The following MSH3 variants were observed in gnomAD, a reference collection of about 807,000 sequenced individuals.
MSH3 encodes the protein DNA mismatch repair protein Msh3.
MSH3 carries 106 observed loss-of-function variants against 123.3 expected under a neutral mutation model. The ratio of observed to expected loss-of-function variants is 0.86; its 90% CI spans 0.73 to 1.01. The LOEUF (loss-of-function observed/expected upper bound fraction) is 1.01. MSH3 is among the 50% of genes least tolerant of loss of function. MSH3 has a pLI of 0.00. For synonymous variants in MSH3, 515 were observed against 481.4 expected (o/e 1.07, Z -0.91); for missense variants, 1,459 against 1,347.6 (o/e 1.08, Z -1.29).
At chr5:80,771,946 A>G (rs1373058842) in intron 15 of MSH3, among the ~76,000 whole-genome samples, 1 of 152,196 alleles carries the variant, frequency 6.6e-6, no homozygotes, top group Non-Finnish European at 1.5e-5. Context: ...ATGTACATAC[A>G]TTATTATGTA....
At chr5:80,663,855 A>C (rs777329462) in intron 2 of MSH3, among the ~76,000 whole-genome samples, 4 of 152,190 alleles carry the variant, frequency 2.6e-5, no homozygotes, top group Admixed American at 6.5e-5. Context: ...AGTGGGCCCT[A>C]GCAAGCAGCT....
chr5:80,667,498 T>C (rs1377394054), intron 3 of MSH3, among the ~76,000 whole-genome samples: 1 of 152,196 alleles, frequency 6.6e-6, no homozygotes, highest in East Asian at 1.9e-4. Context: ...TTCCTCCCAC[T>C]CGGCCTGGCA....
chr5:80,702,900 T>C (rs958215060), intron 8 of MSH3, among the ~76,000 whole-genome samples: 6 of 152,040 alleles, frequency 3.9e-5, no homozygotes, highest in African/African-American at 1.4e-4. Context: ...TAGTCCCAGC[T>C]AATTGGGAGG....
chr5:80,674,850 G>T, intron 6 of MSH3, 133 bp from the exon 7 acceptor site: 1 of 778,110 alleles, frequency 1.3e-6, no homozygotes, highest in Non-Finnish European at 2.1e-6. Context: ...AAAGTGCTGG[G>T]ATTACAGGTG....
chr5:80,844,552 C>G (rs1745685426), intron 20 of MSH3, among the ~76,000 whole-genome samples: 1 of 152,076 alleles, frequency 6.6e-6, no homozygotes, highest in African/African-American at 2.4e-5. Flanking sequence ...TTGTAGGTGT[C>G]TAAGGACTTG....
At chr5:80,666,301 G>A (rs923513852) in intron 3 of MSH3, among the ~76,000 whole-genome samples, 1 of 152,120 alleles carries the variant, frequency 6.6e-6, no homozygotes, top group Non-Finnish European at 1.5e-5. Flanking sequence ...ATATATATGA[G>A]TCATTGAAAT....
chr5:80,796,903 G>A (rs956878809), intron 19 of MSH3, among the ~76,000 whole-genome samples: 2 of 152,084 alleles, frequency 1.3e-5, no homozygotes, highest in Non-Finnish European at 2.9e-5. Flanking sequence ...CAGGGCTTCT[G>A]GAACGTGCCA....
At chr5:80,671,582 T>G (rs1749725376) in intron 4 of MSH3, among the ~76,000 whole-genome samples, 2 of 152,132 alleles carry the variant, frequency 1.3e-5, no homozygotes, top group African/African-American at 2.4e-5. Flanking sequence ...CTGACCACGG[T>G]AAAGGCTGAT....
Position 80,761,533 on chromosome 5 carries a change from T to A in MSH3, c.1764-13T>A, listed in dbSNP as rs1407463042. On this transcript the variant is annotated splice_polypyrimidine_tract_variant and intron_variant, in intron 12 of 23. Coordinates refer to ENST00000265081, the MANE Select transcript of MSH3 (RefSeq NM_002439.5). The stretch of plus-strand genomic sequence containing the variant: ...TAACATATCTGATTATTGCTATTAC[T>A]CTTTTCTCACAGGGAAATAAATGCC... 3.1e-6 allele frequency: 5 copies of A among 1,613,752 alleles called. No homozygotes were observed. The highest frequency in any genetic ancestry group is 4.2e-6 in the Non-Finnish European group (5 of 1,179,824).
intron 8 of MSH3, among the ~76,000 whole-genome samples, chr5:80,709,021 C>T (rs1183605858): frequency 6.6e-6 from 1 of 152,086 alleles, no homozygotes; most frequent in Non-Finnish European, 1.5e-5. Context: ...CTGATCTACC[C>T]TCCTTGGCCT....
chr5:80,719,513 A>C (rs7711890), intron 8 of MSH3, among the ~76,000 whole-genome samples: 19,199 of 152,098 alleles, frequency 0.13, 1,708 homozygotes, highest in East Asian at 0.33. Flanking sequence ...TTTCCCCACC[A>C]TGTCGACAAT....
rs1744035067 is a variant in MSH3, at chr5:80,761,601, G to A, written c.1819G>A (p.Val607Met). The change falls in exon 13 of 24, where the codon GTG becomes ATG. Residue 607 changes from valine (V) to methionine (M), a missense_variant. Physicochemically the swap from Val to Met is conservative, Grantham distance 21 (BLOSUM62 1). Transcript: ENST00000265081. ...GGAAGTTCTCCATTCAGAATCTAGT[G>A]TGTTTGGTCAGATAGAAAATCATCT... The part of the protein sequence containing the change: ...VSEVLHSESS[V>M]FGQIENHLRK... 6.2e-7 allele frequency: 1 copy of A among 1,614,112 alleles called. No homozygotes were observed. The highest frequency in any genetic ancestry group is 1.7e-5 in the Admixed American group (1 of 60,024).
At chr5:80,770,674 A>T (rs1744200381) in intron 15 of MSH3, among the ~76,000 whole-genome samples, 1 of 152,228 alleles carries the variant, frequency 6.6e-6, no homozygotes, top group African/African-American at 2.4e-5. Context: ...TTATATTAAT[A>T]TCAGTATTTC....
chr5:80,702,487 G>A (rs927941039), intron 8 of MSH3, among the ~76,000 whole-genome samples: 2 of 152,126 alleles, frequency 1.3e-5, no homozygotes, highest in South Asian at 2.1e-4. Flanking sequence ...GCTAGGTATC[G>A]CATGGCATAT....
At chr5:80,843,333 G>C (rs1745660323) in intron 20 of MSH3, among the ~76,000 whole-genome samples, 1 of 152,136 alleles carries the variant, frequency 6.6e-6, no homozygotes, top group Non-Finnish European at 1.5e-5. Context: ...TTTTCGCATT[G>C]ATGTTCATCA....
chr5:80,779,643 C>G (rs183621755), intron 17 of MSH3, among the ~76,000 whole-genome samples: 1 of 151,114 alleles, frequency 6.6e-6, no homozygotes, highest in Non-Finnish European at 1.5e-5. Flanking sequence ...CTCTGCCTCC[C>G]GAGTTCTCCC....
Position 80,778,819 on chromosome 5 carries a change from A to T in MSH3, c.2418A>T (p.Glu806Asp), listed in dbSNP as rs1298318722. Residue 806 changes from glutamate (E) to aspartate (D), a missense_variant, in exon 17 of 24, where the codon GAA becomes GAT. Transcript: ENST00000265081. ...REQLVLDCSAEWLDFLEKFSE... is the reference protein window; with the variant it reads ...REQLVLDCSADWLDFLEKFSE... ...AGCTAGTCCTTGACTGCAGTGCTGA[A>T]TGGCTTGATTTTCTAGAGTGAGTTT... The T allele has an allele frequency of 6.3e-7, 1 of 1,581,990 alleles. No individual in the cohort carries two copies. Among genetic ancestry groups the T allele is most frequent in the African/African-American group, 1.3e-5 (1 of 74,226 alleles).
chr5:80,723,070 G>A (rs1751119324), intron 8 of MSH3, among the ~76,000 whole-genome samples: 1 of 150,454 alleles, frequency 6.6e-6, no homozygotes, highest in Non-Finnish European at 1.5e-5. Flanking sequence ...GTCCAGCCTA[G>A]GCGACGGAGT....
intron 19 of MSH3, among the ~76,000 whole-genome samples, chr5:80,804,292 C>T (rs1327475491): frequency 1.3e-5 from 2 of 152,244 alleles, no homozygotes; most frequent in Non-Finnish European, 2.9e-5. Context: ...AGACAGTGGT[C>T]ACCATGGGCC....
Sources: gnomAD v4.1 joint callset for allele counts (sites outside exome capture counted in the v4.1 genomes callset) on GRCh38, gnomAD v4.1.1 for gene constraint, MANE v1.5 for transcripts, NCBI Gene and HGNC (gene_info 2026-07-23, HGNC 2026-07-21) for gene names.